Variants in HDAC7 observed in about 807,000 individuals in gnomAD.
The protein encoded by HDAC7 is histone deacetylase 7A.
Under a neutral mutation model 115.5 loss-of-function variants are expected in HDAC7, and 26 were observed. The observed-to-expected ratio is 0.23, with a 90% CI of 0.16 to 0.31. HDAC7 has a LOEUF of 0.31. HDAC7 is among the 10% of genes least tolerant of loss of function. HDAC7 has a pLI of 1.00. For missense variants in HDAC7, 1,068 were observed against 1,329.0 expected (o/e 0.80, Z 3.05); for synonymous variants, 564 against 550.9 (o/e 1.02, Z -0.33).
At chr12:47,788,256 G>C in intron 19 of HDAC7, 92 bp from the exon 20 acceptor site, 1 of 1,461,854 alleles carries the variant, frequency 6.8e-7, no homozygotes. Context: ...CCATTCTGAG[G>C]TCAGGACCCT....
intron 16 of HDAC7, 47 bp from the exon 17 acceptor site, chr12:47,789,967 G>T: frequency 7.0e-7 from 1 of 1,438,836 alleles, no homozygotes. Flanking sequence ...GCTTCACACA[G>T]GAGCCAGGGC....
At position 47,791,311 on chromosome 12, in the gene HDAC7, G is replaced by A; in HGVS notation, c.1934-3C>T. 6.3e-7 allele frequency: 1 copy of A among 1,586,928 alleles called. No individual in the cohort carries two copies. Among genetic ancestry groups the A allele is most frequent in the Non-Finnish European group, 8.6e-7 (1 of 1,166,586 alleles). ...AAACATCCGCTGTGCCAGGAGCCCT[G>A]CGGGGAGAGGCCCAGCCCACGTCAG... On this transcript the variant is annotated splice_polypyrimidine_tract_variant and splice_region_variant and intron_variant, in intron 15 of 25. Coordinates refer to ENST00000080059, the MANE Select transcript of HDAC7 (RefSeq NM_015401.5).
intron 24 of HDAC7, chr12:47,785,176 C>T (rs933219876): frequency 1.8e-6 from 1 of 567,526 alleles, no homozygotes; most frequent in Non-Finnish European, 3.1e-6. Flanking sequence ...GTCTGGTAGG[C>T]CCTGCTGGCT....
At position 47,785,847 on chromosome 12, in the gene HDAC7, C is replaced by T; in HGVS notation, c.2611G>A (p.Gly871Arg). 6.2e-7 allele frequency: 1 copy of T among 1,610,516 alleles called. No homozygotes were observed. Among genetic ancestry groups the T allele is most frequent in the South Asian group, 1.1e-5 (1 of 90,558 alleles). The part of the protein sequence containing the change: ...YMTQQLMNLA[G>R]GAVVLALEGG... ...TCCAAGGCCAGCACCACTGCGCCTC[C>T]TGCCAGGTTCATCAGTTGCTGCGTC... The change falls in exon 23 of 26, where the codon GGA (glycine) becomes AGA (arginine). Residue 871 changes from glycine to arginine, a missense_variant. This residue lies in a region of HDAC7 where 182 missense variants were observed against 301.1 expected (regional missense o/e 0.60). Transcript: ENST00000080059.
At chr12:47,787,954 C>G (rs999883148) in intron 20 of HDAC7, 91 bp downstream of exon 20, 58 of 1,581,280 alleles carry the variant, frequency 3.7e-5, no homozygotes, top group Non-Finnish European at 4.8e-5. Context: ...AGCAGTCTGC[C>G]CAGGATCACA....
Position 47,784,161 on chromosome 12 carries a change from T to C in HDAC7, c.2848A>G (p.Arg950Gly). ...LASCPDSWVP[R>G]VPGADKEEVE... ...TCTTCTTTGTCAGCCCCTGGCACTC[T>C]AGGCACCCAGGAGTCTGGACAGGAG... Residue 950 changes from arginine to glycine, a missense_variant, in exon 25 of 26, where the codon AGA (arginine) becomes GGA (glycine). Around this residue, in one of 6 missense-constraint regions of HDAC7, gnomAD observed 98 missense variants for 123.9 expected, o/e 0.79. Coordinates refer to ENST00000080059, the MANE Select transcript of HDAC7 (RefSeq NM_015401.5). 3.1e-6 allele frequency: 5 copies of C among 1,613,508 alleles called. No individual in the cohort carries two copies. The highest frequency in any genetic ancestry group is 3.3e-4 in the Middle Eastern group (2 of 6,058).
intron 1 of HDAC7, among the ~76,000 whole-genome samples, chr12:47,809,132 G>A (rs574502359): frequency 6.6e-6 from 1 of 152,252 alleles, no homozygotes; most frequent in African/African-American, 2.4e-5. Context: ...TTTCTCAAGG[G>A]CCAGTGTTTG....
In HDAC7 at chr12:47,784,043, G is replaced by A. The variant is rs748524415; in HGVS notation, c.2930+36C>T. ...AAGCAGGGAGGAATGAAGCGGTGGAGAGGCTGTGGGCCCAGGGCCAGGGGT... is the reference window on the plus strand; with the variant it reads ...AAGCAGGGAGGAATGAAGCGGTGGAAAGGCTGTGGGCCCAGGGCCAGGGGT... On this transcript the variant is annotated intron_variant, in intron 25 of 25. Coordinates refer to ENST00000080059, the MANE Select transcript of HDAC7 (RefSeq NM_015401.5). 17 of 1,609,350 alleles carry A rather than the reference G, an allele frequency of 1.1e-5. No homozygotes were observed. In the East Asian group the frequency reaches 3.4e-4, roughly 32 times the overall value.
At chr12:47,799,160 A>G in intron 2 of HDAC7, 188 bp from the exon 3 acceptor site, 1 of 554,926 alleles carries the variant, frequency 1.8e-6, no homozygotes, top group Non-Finnish European at 3.2e-6. Context: ...TTTACTCGTG[A>G]GAAAAAAGTC....
Position 47,793,394 on chromosome 12 carries a change from AGGG to A in HDAC7, c.1650_1652del (p.Pro551del). 1 of 1,351,212 alleles carries A rather than the reference AGGG, an allele frequency of 7.4e-7. No homozygotes were observed. The highest frequency in any genetic ancestry group is 4.3e-5 in the East Asian group (1 of 23,480). The allele number at this position is 1,351,212 out of a possible 1,614,324, so 83.7% of individuals were successfully genotyped here. On this transcript the variant is annotated inframe_deletion, in exon 13 of 26. Transcript: ENST00000080059. The surrounding 1 kb of genome is among the most constrained non-coding windows in gnomAD (Gnocchi z 4.5). Reference sequence around the variant, plus strand: ...CTGTGGTGAAGGGCAGGGTCCTGGCAGGGGTCTCTGAGCTGGAGAGGACTCGGG... The same window carrying A: ...CTGTGGTGAAGGGCAGGGTCCTGGCAGTCTCTGAGCTGGAGAGGACTCGGG...
At chr12:47,805,217 G>T (rs1415319542) in intron 1 of HDAC7, among the ~76,000 whole-genome samples, 2 of 151,698 alleles carry the variant, frequency 1.3e-5, no homozygotes, top group East Asian at 3.9e-4. Flanking sequence ...ACTACAGTAT[G>T]CACCACGATG....
chr12:47,816,556 C>T (rs902214684), intron 1 of HDAC7, among the ~76,000 whole-genome samples: 2 of 152,186 alleles, frequency 1.3e-5, no homozygotes, highest in Admixed American at 6.5e-5. Context: ...ATACCCACCA[C>T]GCACCCAGTG....
chr12:47,802,478 C>T (rs1944217833), intron 1 of HDAC7: 3 of 1,551,190 alleles, frequency 1.9e-6, no homozygotes, highest in Non-Finnish European at 2.6e-6. Context: ...AAAAGGGCTC[C>T]CAGCTCCCTC....
chr12:47,795,115 C>T lies in HDAC7; in HGVS notation c.1284+69G>A, dbSNP rs17122311. ...AGTTCCCTGCCCTTTCTAAGTACCC[C>T]TCTTCTTTTGGCCCCTAAGTCCCCA... On this transcript the variant is annotated intron_variant, in intron 11 of 25. Transcript: ENST00000080059. The surrounding 1 kb of genome is among the most constrained non-coding windows in gnomAD (Gnocchi z 4.3). 70,104 of 1,406,208 alleles carry T rather than the reference C, an allele frequency of 0.05. 6,234 individuals are homozygous for T. The highest frequency in any genetic ancestry group is 0.37 in the Admixed American group (19,360 of 52,798). 87.1% of individuals were successfully genotyped at this position (1,406,208 alleles called of 1,614,324 possible).
chr12:47,814,108 C>G (rs1029861555), intron 1 of HDAC7, among the ~76,000 whole-genome samples: 3 of 152,344 alleles, frequency 2.0e-5, no homozygotes, highest in African/African-American at 7.2e-5. Flanking sequence ...ATCTGGCCCT[C>G]TGGTCTCAGA....
At position 47,807,220 on chromosome 12, in the gene HDAC7, G is replaced by A. The variant is rs144222056; in HGVS notation, c.20-4946C>T. 1.0e-2 allele frequency among the ~76,000 whole-genome samples: 1,518 copies of A among 152,128 alleles called. 21 individuals carry two copies. Among genetic ancestry groups the A allele is most frequent in the African/African-American group, 0.033 (1,364 of 41,484 alleles). ...TTCCCAAAGTGTTAGGATTACAGGC[G>A]TGAGCCACCGTGCCCAGCCCCCTGC... On this transcript the variant is annotated intron_variant, in intron 1 of 25. Transcript: ENST00000080059.
rs533450092 is a variant in HDAC7 at position 47,785,570 on chromosome 12, C to G, written c.2707-99G>C. The G allele has an allele frequency of 7.3e-6, 10 of 1,374,034 alleles. No individual in the cohort carries two copies. The South Asian group carries it at 1.3e-4, about 18-fold the overall frequency. The allele number at this position is 1,374,034 out of a possible 1,614,324, so 85.1% of individuals were successfully genotyped here. A position where few individuals can be genotyped will look rare whatever the true frequency, so the allele number is the denominator to read the frequency against. ...CCAGCCTTCTAGCCACAAGCACACT[C>G]TACCTAGGCCAGGAGATGCTGCCTG... On this transcript the variant is annotated intron_variant, in intron 23 of 25. Transcript: ENST00000080059.
intron 15 of HDAC7, 118 bp downstream of exon 15, chr12:47,791,468 G>T: frequency 7.0e-7 from 1 of 1,432,840 alleles, no homozygotes. Context: ...CAGCAAGCTG[G>T]AGTAGGGACG....
At chr12:47,820,258 A>G (rs1292942576), upstream of HDAC7, among the ~76,000 whole-genome samples, 2 of 152,112 alleles carry the variant, frequency 1.3e-5, no homozygotes, top group Non-Finnish European at 2.9e-5. This position sits in a 1 kb window ranked among gnomAD's most constrained non-coding sequence, Gnocchi z 4.3. Context: ...TCGCATACAC[A>G]ACGTACACGA....
Sources: allele counts gnomAD v4.1 joint callset (sites outside exome capture counted in the v4.1 genomes callset), GRCh38; gene constraint gnomAD v4.1.1; regional missense constraint gnomAD v4.1.1; non-coding constraint Gnocchi (gnomAD v3.1); transcripts MANE v1.5; gene names NCBI Gene and HGNC (gene_info 2026-07-23, HGNC 2026-07-21).